SNAP91: variants seen among roughly 807,000 people sequenced by gnomAD.
SNAP91 encodes clathrin coat assembly protein AP180.
In SNAP91, 27 loss-of-function variants were observed where a neutral mutation model predicts 100.3. That is an observed-to-expected ratio of 0.27 (90% CI 0.20 to 0.37). The LOEUF (loss-of-function observed/expected upper bound fraction) is 0.37, where lower values mean the gene tolerates loss of function less well. Among genes scored for constraint, SNAP91 ranks in the 10% least tolerant of loss-of-function variants. The probability of loss-of-function intolerance (pLI) is 1.00; values close to 1 mark genes in which losing one functional copy is unlikely to be tolerated. For synonymous variants in SNAP91, 404 were observed against 398.6 expected (o/e 1.01, Z -0.16); for missense variants, 986 against 1,123.7 (o/e 0.88, Z 1.75).
intron 24 of SNAP91, among the ~76,000 whole-genome samples, chr6:83,578,479 C>G: frequency 6.6e-6 from 1 of 152,212 alleles, no homozygotes; most frequent in African/African-American, 2.4e-5. Flanking sequence ...AGCATCTTTT[C>G]ATGTGCATAT....
At chr6:83,706,420 TCCTGTACTGCA>T (rs1255282759) in intron 2 of SNAP91, among the ~76,000 whole-genome samples, 5 of 152,258 alleles carry the variant, frequency 3.3e-5, no homozygotes, top group Admixed American at 3.3e-4. Flanking sequence ...GCCTCTTTCA[TCCTGTACTGCA>T]TATATAACAT....
At chr6:83,679,521 C>T (rs1202690201) in intron 2 of SNAP91, among the ~76,000 whole-genome samples, 4 of 151,986 alleles carry the variant, frequency 2.6e-5, no homozygotes, top group African/African-American at 9.7e-5. Context: ...GTAGGTCTAC[C>T]CCTGAAGCCC....
intron 26 of SNAP91, among the ~76,000 whole-genome samples, chr6:83,570,113 C>T (rs57983891): frequency 0.035 from 5,381 of 151,878 alleles, 377 homozygotes; most frequent in East Asian, 0.18. Flanking sequence ...ATGTGGGCTG[C>T]GGTGGTCTCA....
intron 2 of SNAP91, among the ~76,000 whole-genome samples, chr6:83,695,786 G>C (rs904702553): frequency 6.6e-6 from 1 of 151,824 alleles, no homozygotes; most frequent in African/African-American, 2.4e-5. Flanking sequence ...CTACAATAGG[G>C]GCCAAAGTCA....
intron 11 of SNAP91, among the ~76,000 whole-genome samples, chr6:83,610,888 C>T (rs1237557239): frequency 6.6e-6 from 1 of 151,238 alleles, no homozygotes; most frequent in African/African-American, 2.4e-5. Flanking sequence ...AATAATGACA[C>T]CCCCTTCCAC....
chr6:83,623,620 T>A (rs1399550514), intron 8 of SNAP91, among the ~76,000 whole-genome samples: 1 of 152,122 alleles, frequency 6.6e-6, no homozygotes, highest in Non-Finnish European at 1.5e-5. Flanking sequence ...AATGTAATGG[T>A]ATCCTTAGTT....
At chr6:83,665,671 T>C (rs1313064057) in intron 2 of SNAP91, 90 bp from the exon 3 acceptor site, 39 of 1,130,346 alleles carry the variant, frequency 3.5e-5, no homozygotes, top group Non-Finnish European at 4.8e-5. Context: ...TGTTTACTAA[T>C]ATATGACCTT....
At chr6:83,681,396 A>C (rs988793069) in intron 2 of SNAP91, among the ~76,000 whole-genome samples, 1 of 152,120 alleles carries the variant, frequency 6.6e-6, no homozygotes, top group Admixed American at 6.6e-5. Flanking sequence ...ACAACCTCAG[A>C]GCTTTTCTAA....
chr6:83,599,930 G>C (rs1583144995), intron 16 of SNAP91, among the ~76,000 whole-genome samples: 1 of 152,178 alleles, frequency 6.6e-6, no homozygotes, highest in African/African-American at 2.4e-5. Flanking sequence ...GACTACAGGT[G>C]CTTGCCACCA....
At chr6:83,618,555 TTATAAAC>T (rs1247007452) in intron 9 of SNAP91, among the ~76,000 whole-genome samples, 1 of 151,858 alleles carries the variant, frequency 6.6e-6, no homozygotes, top group East Asian at 1.9e-4. Flanking sequence ...AGATACCAGA[TTATAAAC>T]TATAAAGAAA....
intron 1 of SNAP91, 129 bp from the exon 2 acceptor site, chr6:83,708,086 G>C (rs1222326851): frequency 2.6e-6 from 2 of 781,402 alleles, no homozygotes; most frequent in Middle Eastern, 3.7e-4. Context: ...ACCACCTCTC[G>C]GAGCCAGCAA....
intron 18 of SNAP91, 25 bp from the exon 19 acceptor site, chr6:83,593,284 TTACTC>T (rs755061472): frequency 1.9e-6 from 3 of 1,569,796 alleles, no homozygotes; most frequent in Non-Finnish European, 2.6e-6. Flanking sequence ...ACACATGCCT[TTACTC>T]AACTTGAACA....
intron 16 of SNAP91, 138 bp from the exon 17 acceptor site, chr6:83,594,619 C>T (rs146253408): frequency 1.1e-5 from 6 of 551,406 alleles, no homozygotes; most frequent in Admixed American, 7.2e-5. Flanking sequence ...ATGGCCCATG[C>T]GCTGTCGGTG....
intron 25 of SNAP91, among the ~76,000 whole-genome samples, chr6:83,575,794 C>A (rs1463546755): frequency 6.6e-6 from 1 of 152,152 alleles, no homozygotes; most frequent in Non-Finnish European, 1.5e-5. Flanking sequence ...AACTTAGTGA[C>A]AATCTCGGAG....
At position 83,596,732 on chromosome 6, in the gene SNAP91, A is replaced by C. The variant is rs532349252; in HGVS notation, c.1325-2251T>G. Among the ~76,000 whole-genome samples, 83 of 148,976 alleles carry C rather than the reference A, an allele frequency of 5.6e-4. 1 individual carries two copies. Among genetic ancestry groups the C allele is most frequent in the African/African-American group, 1.9e-3 (77 of 40,032 alleles). On this transcript the variant is annotated intron_variant, in intron 16 of 29. Coordinates refer to ENST00000369694, the MANE Select transcript of SNAP91 (RefSeq NM_001242792.2). ...TTCAAAACATCATGTTGTACATTAT[A>C]TATATATGTATATACTTTTTCAATT...
At chr6:83,599,778 G>T (rs2094942791) in intron 16 of SNAP91, among the ~76,000 whole-genome samples, 1 of 152,136 alleles carries the variant, frequency 6.6e-6, no homozygotes, top group Admixed American at 6.5e-5. Flanking sequence ...TATAGTGGGT[G>T]GCTCTTTTTA....
chr6:83,682,311 G>A (rs2128922223), intron 2 of SNAP91, among the ~76,000 whole-genome samples: 1 of 151,588 alleles, frequency 6.6e-6, no homozygotes, highest in African/African-American at 2.4e-5. Context: ...CAACTGAGTA[G>A]CTGGGACCAC....
At chr6:83,612,596 C>A (rs758694708) in intron 11 of SNAP91, among the ~76,000 whole-genome samples, 4 of 152,048 alleles carry the variant, frequency 2.6e-5, no homozygotes, top group Non-Finnish European at 2.9e-5. Flanking sequence ...AGAGAAGAGG[C>A]CAGGTGCGGT....
intron 2 of SNAP91, among the ~76,000 whole-genome samples, chr6:83,675,827 A>AACAC (rs373927158): frequency 0.024 from 3,323 of 138,256 alleles, 57 homozygotes; most frequent in Non-Finnish European, 0.028. Flanking sequence ...CACTTGAAGG[A>AACAC]ACACACACAC....
Sources: gnomAD v4.1 joint callset for allele counts (sites outside exome capture counted in the v4.1 genomes callset) on GRCh38, gnomAD v4.1.1 for gene constraint, MANE v1.5 for transcripts, NCBI Gene and HGNC (gene_info 2026-07-23, HGNC 2026-07-21) for gene names.